XRCC5: variants seen among roughly 807,000 people sequenced by gnomAD.
XRCC5 encodes X-ray repair cross complementing 5, also known as DNA repair protein Ku80.
In XRCC5, 12 loss-of-function variants were observed where a neutral mutation model predicts 95.7. That is an observed-to-expected ratio of 0.13 (90% confidence interval 0.08 to 0.20). The LOEUF is 0.20. Ranked by LOEUF, XRCC5 falls within the 10% of genes least tolerant of loss-of-function variation. The pLI is 1.00. For missense variants in XRCC5, 595 were observed against 873.9 expected (o/e 0.68, Z 4.02); for synonymous variants, 281 against 290.3 (o/e 0.97, Z 0.33).
Position 216,135,849 on chromosome 2 carries a change from C to T in XRCC5, c.1114-1239C>T, listed in dbSNP as rs558696804. The stretch of plus-strand genomic sequence containing the variant: ...ATGGTGCGGTGGCATTATCAAAGAC[C>T]GGGGTTTCCAGTGTGGTTGATTAGG... On this transcript the variant is annotated intron_variant, in intron 10 of 20. Coordinates refer to ENST00000392132, the MANE Select transcript of XRCC5 (RefSeq NM_021141.4). Among the ~76,000 whole-genome samples the T allele has an allele frequency of 7.3e-5, 11 of 150,676 alleles. No homozygotes were observed. The South Asian group carries it at 8.4e-4, about 12-fold the overall frequency.
rs1424144039 is a variant in XRCC5, at chr2:216,204,390, C to T, written c.2178C>T (p.Asp726=). 3.7e-6 allele frequency: 6 copies of T among 1,613,806 alleles called. No homozygotes were observed. Among genetic ancestry groups the T allele is most frequent in the Admixed American group, 1.7e-5 (1 of 60,022 alleles). ...AAVFEEGGDV[D]DLLDMI ...TATTTGAAGAAGGTGGTGATGTGGA[C>T]GATTTAGTAAGTACTTTTAATATGC... Residue 726 remains aspartate, a synonymous_variant, in exon 20 of 21, where the codon GAC becomes GAT. Transcript: ENST00000392132.
chr2:216,130,268 CTA>C (rs1409151636), intron 8 of XRCC5, among the ~76,000 whole-genome samples: 4 of 149,082 alleles, frequency 2.7e-5, no homozygotes, highest in African/African-American at 9.9e-5. Context: ...AGCCGAGAGC[CTA>C]TGTTTATATA....
Position 216,119,094 on chromosome 2 carries a change from C to T in XRCC5, c.420C>T (p.Ser140=), listed in dbSNP as rs778500871. The change falls in exon 5 of 21, where the codon AGC becomes AGT. Residue 140 remains serine (S), a synonymous_variant. Transcript: ENST00000392132. ...RHIEIFTDLS[S]RFSKSQLDII... is the part of the protein sequence containing the mutation. ...TTGAAATATTCACTGACCTCAGCAG[C>T]CGATTCAGCAAAAGTCAGCTGGATA... is the stretch of plus-strand genomic sequence containing the variant. The T allele has an allele frequency of 9.9e-5, 160 of 1,613,942 alleles. No homozygotes were observed. The highest frequency in any genetic ancestry group is 1.3e-4 in the Non-Finnish European group (150 of 1,179,948).
intron 16 of XRCC5, among the ~76,000 whole-genome samples, chr2:216,185,226 G>C (rs1689474104): frequency 6.6e-6 from 1 of 152,170 alleles, no homozygotes; most frequent in Non-Finnish European, 1.5e-5. Context: ...TTCGTAACCT[G>C]CAAAACAATT....
chr2:216,124,290 A>G (rs1474776557), intron 6 of XRCC5, among the ~76,000 whole-genome samples: 1 of 152,182 alleles, frequency 6.6e-6, no homozygotes, highest in Admixed American at 6.5e-5. Context: ...TCTGTCATCC[A>G]GGCTGGAATG....
chr2:216,136,652 T>G (rs1303523681), intron 10 of XRCC5, among the ~76,000 whole-genome samples: 1 of 152,136 alleles, frequency 6.6e-6, no homozygotes, highest in Admixed American at 6.5e-5. Context: ...GAGGATAATT[T>G]CATTAAGGAA....
chr2:216,141,456 A>C, intron 13 of XRCC5, 137 bp downstream of exon 13: 1 of 697,580 alleles, frequency 1.4e-6, no homozygotes, highest in Non-Finnish European at 2.2e-6. Context: ...ATGGAAGAAT[A>C]ACATCTTCCT....
intron 12 of XRCC5, 125 bp downstream of exon 12, chr2:216,138,304 A>G: frequency 2.6e-6 from 2 of 761,882 alleles, no homozygotes; most frequent in East Asian, 2.7e-5. Flanking sequence ...TTCCAATCAT[A>G]CACTTAGACA....
chr2:216,132,026 T>C lies in XRCC5; in HGVS notation c.1051-299T>C, dbSNP rs538522752. 3.9e-5 allele frequency among the ~76,000 whole-genome samples: 6 copies of C among 152,370 alleles called. No homozygotes were observed. In the South Asian group the frequency reaches 1.2e-3, roughly 32 times the overall value. ...CCTTATGTGCTCTTAAAGCACCATGTAACCCTGGACCATAATACTACACTG... is the reference window on the plus strand; with the variant it reads ...CCTTATGTGCTCTTAAAGCACCATGCAACCCTGGACCATAATACTACACTG... On this transcript the variant is annotated intron_variant, in intron 9 of 20. Coordinates refer to ENST00000392132, the MANE Select transcript of XRCC5 (RefSeq NM_021141.4).
At chr2:216,199,594 T>C (rs1689795811) in intron 19 of XRCC5, among the ~76,000 whole-genome samples, 1 of 152,204 alleles carries the variant, frequency 6.6e-6, no homozygotes, top group South Asian at 2.1e-4. Flanking sequence ...CCATTAGCAT[T>C]TGATGTTTGG....
At chr2:216,147,071 A>C (rs769513559) in intron 13 of XRCC5, among the ~76,000 whole-genome samples, 1 of 80,006 alleles carries the variant, frequency 1.2e-5, no homozygotes, top group South Asian at 4.3e-4. Context: ...AGTGACAGAA[A>C]ATGACTGGGG....
At chr2:216,164,168 C>T (rs1689007826) in intron 16 of XRCC5, among the ~76,000 whole-genome samples, 1 of 152,210 alleles carries the variant, frequency 6.6e-6, no homozygotes, top group Admixed American at 6.5e-5. Flanking sequence ...TCAATGAACT[C>T]TTGTCTATCA....
At chr2:216,193,815 T>C (rs1689664216) in intron 18 of XRCC5, among the ~76,000 whole-genome samples, 2 of 152,198 alleles carry the variant, frequency 1.3e-5, no homozygotes, top group South Asian at 2.1e-4. Context: ...TAGGTACACA[T>C]GGGTGTTAAA....
chr2:216,130,774 C>G (rs1301693268), intron 8 of XRCC5, 101 bp from the exon 9 acceptor site: 3 of 672,778 alleles, frequency 4.5e-6, no homozygotes, highest in Non-Finnish European at 7.5e-6. Context: ...GAGGCTTGCT[C>G]TGGCGTGTGC....
In XRCC5 at chr2:216,116,828, C is replaced by T; in HGVS notation, c.305C>T (p.Ser102Phe). ...EDIESKIQPG[S>F]QQADFLDALI... ...ATTGAAAGCAAAATCCAACCAGGTT[C>T]TCAACAGGCTGACTGTATCCTTTTT... Residue 102 changes from serine to phenylalanine, a missense_variant, in exon 3 of 21, where the codon TCT becomes TTT. This residue lies in a region of XRCC5 where 286 missense variants were observed against 491.1 expected (regional missense o/e 0.58). Coordinates refer to ENST00000392132, the MANE Select transcript of XRCC5 (RefSeq NM_021141.4). The T allele has an allele frequency of 5.0e-6, 8 of 1,614,042 alleles. No homozygotes were observed. Among genetic ancestry groups the T allele is most frequent in the Non-Finnish European group, 6.8e-6 (8 of 1,179,952 alleles).
chr2:216,141,151 A>G (rs1409637446), intron 12 of XRCC5, 35 bp from the exon 13 acceptor site: 1 of 1,609,380 alleles, frequency 6.2e-7, no homozygotes, highest in Admixed American at 1.7e-5. Flanking sequence ...AGAATAATGG[A>G]AATAATCATT....
At position 216,141,556 on chromosome 2, in the gene XRCC5, TTTTTTTTTTTC is replaced by T. The variant is rs1379251522; in HGVS notation, c.1476+238_1476+248del. On this transcript the variant is annotated intron_variant, in intron 13 of 20. Transcript: ENST00000392132. ...CTTTCTTTTCTTTTTTTTTTTTTTT[TTTTTTTTTTTC>T]CTGGAAGAAGCTTACTTTAACAAAA... Among the ~76,000 whole-genome samples the T allele has an allele frequency of 4.9e-3, 275 of 56,366 alleles. 7 individuals carry two copies. In the East Asian group the frequency reaches 0.05, roughly 10 times the overall value. The allele number at this position is 56,366 out of a possible 152,430, so 37.0% of individuals were successfully genotyped here.
At chr2:216,164,188 T>C (rs1471390181) in intron 16 of XRCC5, among the ~76,000 whole-genome samples, 1 of 152,202 alleles carries the variant, frequency 6.6e-6, no homozygotes, top group African/African-American at 2.4e-5. Context: ...AAGACTATTG[T>C]GTTTTTGAAG....
intron 10 of XRCC5, among the ~76,000 whole-genome samples, chr2:216,135,629 CT>C (rs1697062331): frequency 6.6e-6 from 1 of 152,098 alleles, no homozygotes; most frequent in African/African-American, 2.4e-5. Context: ...AAAACCCCAT[CT>C]CTACTAAAAA....
Sources: gnomAD v4.1 joint callset for allele counts (sites outside exome capture counted in the v4.1 genomes callset) on GRCh38, gnomAD v4.1.1 for gene constraint, gnomAD v4.1.1 regional missense constraint, MANE v1.5 for transcripts, NCBI Gene and HGNC (gene_info 2026-07-23, HGNC 2026-07-21) for gene names.